The following SMARCA5 variants were observed in gnomAD, a reference collection of about 807,000 sequenced individuals.
SMARCA5 encodes the protein SWI/SNF-related matrix-associated actin-dependent regulator of chromatin subfamily A member 5.
A neutral mutation model predicts 140.4 loss-of-function variants in SMARCA5; 18 were observed. The ratio of observed to expected loss-of-function variants is 0.13; its 90% confidence interval spans 0.09 to 0.19. The LOEUF (loss-of-function observed/expected upper bound fraction) is 0.19, where lower values mean the gene tolerates loss of function less well. SMARCA5 is among the 10% of genes least tolerant of loss of function. The pLI is 1.00. For missense variants in SMARCA5, 606 were observed against 1,276.8 expected (o/e 0.47, Z 8.01); for synonymous variants, 449 against 419.6 (o/e 1.07, Z -0.86).
At chr4:143,520,759 A>G (rs955240571) in intron 2 of SMARCA5, among the ~76,000 whole-genome samples, 2 of 151,662 alleles carry the variant, frequency 1.3e-5, no homozygotes, top group Non-Finnish European at 2.9e-5. Flanking sequence ...TCCCAATTTC[A>G]TTATTTTTAT....
At position 143,513,805 on chromosome 4, in the gene SMARCA5, C is replaced by A. The variant is rs1414185699; in HGVS notation, c.-120C>A. The A allele has an allele frequency of 4.2e-6, 5 of 1,188,576 alleles. No individual in the cohort carries two copies. The highest frequency in any genetic ancestry group is 1.5e-5 in the South Asian group (1 of 67,434). 73.6% of individuals were successfully genotyped at this position (1,188,576 alleles called of 1,614,324 possible). A position where few individuals can be genotyped will look rare whatever the true frequency, so the allele number is the denominator to read the frequency against. On this transcript the variant is annotated 5_prime_UTR_variant, in exon 1 of 24. Coordinates refer to ENST00000283131, the MANE Select transcript of SMARCA5 (RefSeq NM_003601.4). ...CGGAGGCGCGGCGCAGGGGAGCGCT[C>A]GGGTGGGAGTCTCGCTCCTCCACCA...
At chr4:143,523,788 GAGTA>G (rs1172056197) in intron 3 of SMARCA5, among the ~76,000 whole-genome samples, 2 of 152,184 alleles carry the variant, frequency 1.3e-5, no homozygotes, top group Non-Finnish European at 2.9e-5. Flanking sequence ...CAGAATTGGG[GAGTA>G]AGTATTAATA....
At chr4:143,550,792 G>A (rs1485460993) in intron 23 of SMARCA5, among the ~76,000 whole-genome samples, 7 of 152,058 alleles carry the variant, frequency 4.6e-5, no homozygotes, top group Non-Finnish European at 8.8e-5. Flanking sequence ...GTATTCTATT[G>A]TGTATACATA....
chr4:143,552,807 T>G (rs1334014150), intron 23 of SMARCA5, among the ~76,000 whole-genome samples: 1 of 152,070 alleles, frequency 6.6e-6, no homozygotes, highest in African/African-American at 2.4e-5. Flanking sequence ...AACTGCCTTT[T>G]AAAAACTCAA....
In SMARCA5 at chr4:143,553,211, C is replaced by T. The variant is rs763011513; in HGVS notation, c.*27C>T. Reference sequence around the variant, plus strand: ...TATGTTTTTGTTTCATAATCACTAACTTTAAACCAGTAGTTCTTTAATTTA... The same window carrying T: ...TATGTTTTTGTTTCATAATCACTAATTTTAAACCAGTAGTTCTTTAATTTA... On this transcript the variant is annotated 3_prime_UTR_variant, in exon 24 of 24. Transcript: ENST00000283131. 54 of 1,510,638 alleles carry T rather than the reference C, an allele frequency of 3.6e-5. No individual in the cohort carries two copies. The highest frequency in any genetic ancestry group is 4.9e-5 in the Non-Finnish European group (53 of 1,086,392). 93.6% of individuals were successfully genotyped at this position (1,510,638 alleles called of 1,614,324 possible).
rs79185168 is a variant in SMARCA5 at position 143,514,315 on chromosome 4, A to C, written c.177+214A>C. ...AATGGATTTCTGGCTCCTCACATTT[A>C]AATTATTTGTCTCTTTCGTGAATCC... On this transcript the variant is annotated intron_variant, in intron 1 of 23. Transcript: ENST00000283131. 263 of 514,956 alleles carry C rather than the reference A, an allele frequency of 5.1e-4. 1 individual carries two copies. The East Asian group carries it at 8.7e-3, about 17-fold the overall frequency. 31.9% of individuals were successfully genotyped at this position (514,956 alleles called of 1,614,324 possible).
At chr4:143,536,337 G>A (rs1204237645) in intron 10 of SMARCA5, 115 bp from the exon 11 acceptor site, 1 of 691,018 alleles carries the variant, frequency 1.4e-6, no homozygotes, top group Non-Finnish European at 2.6e-6. Context: ...AAGTTGATGA[G>A]TAGTTTCTTA....
In SMARCA5 at chr4:143,553,356, C is replaced by T. The variant is rs1483565211; in HGVS notation, c.*172C>T. ...AGTTTCACTTTTTTAAATGCAACAG[C>T]TGTGCTGAAATTTTTTTATCATTAA... On this transcript the variant is annotated 3_prime_UTR_variant, in exon 24 of 24. Transcript: ENST00000283131. 8.0e-6 allele frequency: 4 copies of T among 499,016 alleles called. No homozygotes were observed. The highest frequency in any genetic ancestry group is 1.4e-5 in the Non-Finnish European group (4 of 277,746). 30.9% of individuals were successfully genotyped at this position (499,016 alleles called of 1,614,324 possible).
At chr4:143,526,936 C>T (rs1435205490) in intron 6 of SMARCA5, among the ~76,000 whole-genome samples, 1 of 151,568 alleles carries the variant, frequency 6.6e-6, no homozygotes, top group African/African-American at 2.4e-5. Context: ...TGTTTCTCTC[C>T]CTTTTGGGAG....
At chr4:143,541,778 T>G (rs113319340) in intron 14 of SMARCA5, among the ~76,000 whole-genome samples, 32 of 152,342 alleles carry the variant, frequency 2.1e-4, no homozygotes, top group African/African-American at 7.7e-4. Context: ...TGGCTAATGT[T>G]TTATTTTTCT....
intron 1 of SMARCA5, among the ~76,000 whole-genome samples, chr4:143,516,389 A>G (rs2149815639): frequency 6.6e-6 from 1 of 152,224 alleles, no homozygotes; most frequent in Non-Finnish European, 1.5e-5. Context: ...GACTAGATTG[A>G]TTAAATAGTC....
In SMARCA5 at chr4:143,554,381, T is replaced by G. The variant is rs1165583304; in HGVS notation, c.*1197T>G. On this transcript the variant is annotated 3_prime_UTR_variant, in exon 24 of 24. Coordinates refer to ENST00000283131, the MANE Select transcript of SMARCA5 (RefSeq NM_003601.4). ...CTTTTATAATCCGTAAAGTGGTCTT[T>G]TCTTTCCATTTCTTTAATTGTTTTC... 2.0e-5 allele frequency: 3 copies of G among 152,216 alleles called. No individual in the cohort carries two copies. Among genetic ancestry groups the G allele is most frequent in the African/African-American group, 4.8e-5 (2 of 41,450 alleles). 9.4% of individuals were successfully genotyped at this position (152,216 alleles called of 1,614,324 possible).
Position 143,545,514 on chromosome 4 carries a change from C to T in SMARCA5, c.2328C>T (p.Phe776=). ...AACCCAATGTTCAGGATTTCCAGTT[C>T]TTTCCTCCACGTTTATTTGAATTAC... ...PKQPNVQDFQ[F]FPPRLFELLE... The change falls in exon 18 of 24, where the codon TTC becomes TTT. Residue 776 remains phenylalanine (F), a synonymous_variant. Coordinates refer to ENST00000283131, the MANE Select transcript of SMARCA5 (RefSeq NM_003601.4). The T allele has an allele frequency of 1.2e-6, 2 of 1,613,392 alleles. No homozygotes were observed. Among genetic ancestry groups the T allele is most frequent in the Non-Finnish European group, 1.7e-6 (2 of 1,179,544 alleles).
In SMARCA5 at chr4:143,545,577, G is replaced by A. The variant is rs371341342; in HGVS notation, c.2391G>A (p.Gly797=). Residue 797 remains glycine, a synonymous_variant, in exon 18 of 24, where the codon GGG becomes GGA. Transcript: ENST00000283131. ...TTCTGTTTTACAGAAAAACTATTGG[G>A]TACAAGGTAATTGAAATTATCTGCC... ...KEILFYRKTI[G]YKVPRNPELP... is the part of the protein sequence containing the mutation. The A allele has an allele frequency of 4.1e-5, 63 of 1,540,274 alleles. 1 individual carries two copies. The South Asian group carries it at 5.0e-4, about 12-fold the overall frequency.
intron 5 of SMARCA5, 142 bp from the exon 6 acceptor site, chr4:143,526,139 T>C (rs1737067942): frequency 1.5e-6 from 1 of 675,048 alleles, no homozygotes; most frequent in Non-Finnish European, 2.5e-6. Flanking sequence ...TTACAAACTT[T>C]GATATATGTT....
At position 143,524,430 on chromosome 4, in the gene SMARCA5, A is replaced by C; in HGVS notation, c.483A>C (p.Ala161=). 6.2e-7 allele frequency: 1 copy of C among 1,613,378 alleles called. No homozygotes were observed. Among genetic ancestry groups the C allele is most frequent in the South Asian group, 1.1e-5 (1 of 91,038 alleles). Residue 161 remains alanine (A), a synonymous_variant, in exon 4 of 24, where the codon GCA becomes GCC. Coordinates refer to ENST00000283131, the MANE Select transcript of SMARCA5 (RefSeq NM_003601.4). ...AGCTATTAACAGAAAGCTCCAAAGC[A>C]ACCAATGTTTGCACTCGATTTGAAG... is the stretch of plus-strand genomic sequence containing the variant. ...DEELLTESSK[A]TNVCTRFEDS...
chr4:143,545,927 A>C lies in SMARCA5; in HGVS notation c.2400A>C (p.Val800=), dbSNP rs1304252100. Residue 800 remains valine (V), a splice_region_variant and synonymous_variant, in exon 19 of 24, where the codon GTA becomes GTC. Transcript: ENST00000283131. The part of the protein sequence containing the change: ...LFYRKTIGYK[V]PRNPELPNAA... The stretch of plus-strand genomic sequence containing the variant: ...TGGCATAGAAAAATATCTTTTAGGT[A>C]CCTCGAAATCCTGAGCTGCCTAATG... The C allele has an allele frequency of 6.2e-7, 1 of 1,600,078 alleles. No individual in the cohort carries two copies. The highest frequency in any genetic ancestry group is 1.1e-5 in the South Asian group (1 of 88,104).
At chr4:143,549,410 A>G (rs1467231649) in intron 22 of SMARCA5, among the ~76,000 whole-genome samples, 1 of 152,104 alleles carries the variant, frequency 6.6e-6, no homozygotes, top group Non-Finnish European at 1.5e-5. Context: ...TGTTTCTTTC[A>G]GGGTTAACTG....
intron 3 of SMARCA5, among the ~76,000 whole-genome samples, chr4:143,522,885 TATTA>T (rs200595918): frequency 0.012 from 1,853 of 152,328 alleles, 20 homozygotes; most frequent in Non-Finnish European, 0.017. Context: ...AGGCTTAATG[TATTA>T]AATAGTGTTA....
Sources: gnomAD v4.1 joint callset for allele counts (sites outside exome capture counted in the v4.1 genomes callset) on GRCh38, gnomAD v4.1.1 for gene constraint, MANE v1.5 for transcripts, NCBI Gene and HGNC (gene_info 2026-07-23, HGNC 2026-07-21) for gene names.